ERBB4: variants seen among roughly 807,000 people sequenced by gnomAD.
ERBB4 encodes erb-b2 receptor tyrosine kinase 4, also known as receptor tyrosine-protein kinase erbB-4.
A neutral mutation model predicts 158.0 loss-of-function variants in ERBB4; 42 were observed. That is an observed-to-expected ratio of 0.27 (90% confidence interval 0.21 to 0.34). ERBB4 has a LOEUF of 0.34. Among genes scored for constraint, ERBB4 ranks in the 10% least tolerant of loss-of-function variants. ERBB4 has a pLI of 1.00. For synonymous variants in ERBB4, 583 were observed against 558.7 expected (o/e 1.04, Z -0.61); for missense variants, 1,333 against 1,624.1 (o/e 0.82, Z 3.08).
intron 3 of ERBB4, among the ~76,000 whole-genome samples, chr2:211,809,034 T>C (rs181756521): frequency 4.6e-5 from 7 of 152,264 alleles, no homozygotes; most frequent in Admixed American, 3.3e-4. Flanking sequence ...TGGGCTTAGA[T>C]GACAGGGTTT....
At chr2:211,977,878 C>T (rs1296924724) in intron 2 of ERBB4, among the ~76,000 whole-genome samples, 1 of 136,112 alleles carries the variant, frequency 7.3e-6, no homozygotes, top group South Asian at 2.4e-4. Context: ...AAAAAAGCAA[C>T]TTGAAAAGAG....
Position 211,386,910 on chromosome 2 carries a change from G to A in ERBB4, c.3424C>T (p.Arg1142Ter), listed in dbSNP as rs1211840752. ...PTVFAPERSPRGELDEEGYMT... is the reference protein window; with the variant it reads ...PTVFAPERSP Reference sequence around the variant, plus strand: ...TAACCTTCCTCATCCAGCTCTCCTCGTGGGCTCCGTTCTGGGGCAAACACG... The same window carrying A: ...TAACCTTCCTCATCCAGCTCTCCTCATGGGCTCCGTTCTGGGGCAAACACG... Residue 1142 changes from arginine (R) to a stop codon, truncating the protein, a stop_gained, in exon 27 of 28, where the codon CGA (arginine) becomes TGA (stop). Coordinates refer to ENST00000342788, the MANE Select transcript of ERBB4 (RefSeq NM_005235.3). LOFTEE classifies it high-confidence loss of function. 2 of 1,614,100 alleles carry A rather than the reference G, an allele frequency of 1.2e-6. No homozygotes were observed. Among genetic ancestry groups the A allele is most frequent in the Non-Finnish European group, 1.7e-6 (2 of 1,180,000 alleles).
At chr2:211,408,475 G>T (rs1447678686) in intron 25 of ERBB4, among the ~76,000 whole-genome samples, 1 of 152,022 alleles carries the variant, frequency 6.6e-6, no homozygotes, top group East Asian at 1.9e-4. Context: ...AAGGCTTCTC[G>T]TGCCAGCTGA....
chr2:212,193,266 C>T (rs2082327704), intron 1 of ERBB4, among the ~76,000 whole-genome samples: 1 of 152,076 alleles, frequency 6.6e-6, no homozygotes, highest in African/African-American at 2.4e-5. Flanking sequence ...GGCATTGCCC[C>T]CACTTTTCCA....
At chr2:212,137,327 C>A (rs2080303990) in intron 1 of ERBB4, among the ~76,000 whole-genome samples, 2 of 152,058 alleles carry the variant, frequency 1.3e-5, no homozygotes, top group African/African-American at 4.8e-5. Flanking sequence ...CTCTCTCCTC[C>A]CACTCTCACC....
chr2:211,451,152 C>T (rs1237286786), intron 20 of ERBB4, among the ~76,000 whole-genome samples: 1 of 152,092 alleles, frequency 6.6e-6, no homozygotes, highest in Non-Finnish European at 1.5e-5. Flanking sequence ...TGGAAGAAGG[C>T]CCAGCAAAGA....
chr2:212,330,937 G>A (rs1182985663), intron 1 of ERBB4, among the ~76,000 whole-genome samples: 3 of 150,398 alleles, frequency 2.0e-5, no homozygotes, highest in Admixed American at 1.3e-4. Context: ...ATTTGCCTGG[G>A]GTCAACAAGC....
At chr2:211,640,777 C>T (rs1574909176) in intron 16 of ERBB4, among the ~76,000 whole-genome samples, 1 of 151,994 alleles carries the variant, frequency 6.6e-6, no homozygotes, top group African/African-American at 2.4e-5. Flanking sequence ...TAGTGAAAGA[C>T]AGATTAGGAA....
intron 1 of ERBB4, among the ~76,000 whole-genome samples, chr2:212,181,025 T>G (rs1191689728): frequency 6.6e-6 from 1 of 151,684 alleles, no homozygotes; most frequent in East Asian, 1.9e-4. Context: ...CAACTGTTGA[T>G]GATATCAGAA....
chr2:212,218,993 C>A (rs1574458560), intron 1 of ERBB4, among the ~76,000 whole-genome samples: 3 of 151,022 alleles, frequency 2.0e-5, no homozygotes, highest in African/African-American at 7.3e-5. Context: ...CTACAGGGAC[C>A]ACACAATGAT....
At chr2:211,395,246 T>C (rs2062885999) in intron 25 of ERBB4, among the ~76,000 whole-genome samples, 1 of 152,082 alleles carries the variant, frequency 6.6e-6, no homozygotes, top group African/African-American at 2.4e-5. Context: ...TGAACCACAT[T>C]TGGATGATGA....
chr2:212,434,460 A>T (rs1263909914), intron 1 of ERBB4, among the ~76,000 whole-genome samples: 1 of 151,892 alleles, frequency 6.6e-6, no homozygotes, highest in African/African-American at 2.4e-5. Context: ...TCGAAGAACT[A>T]AGTAACACAT....
At chr2:211,417,317 TATA>T (rs2063415775) in intron 25 of ERBB4, among the ~76,000 whole-genome samples, 1 of 139,810 alleles carries the variant, frequency 7.2e-6, no homozygotes, top group Non-Finnish European at 1.5e-5. Flanking sequence ...TACAAAAAAA[TATA>T]AAAAAAAATT....
intron 20 of ERBB4, among the ~76,000 whole-genome samples, chr2:211,450,536 T>A (rs1224555034): frequency 6.6e-6 from 1 of 152,018 alleles, no homozygotes; most frequent in African/African-American, 2.4e-5. Context: ...TGGAGAGAAG[T>A]AATCGATTTG....
chr2:211,721,620 C>T (rs1021547652), intron 7 of ERBB4, among the ~76,000 whole-genome samples: 6 of 131,892 alleles, frequency 4.5e-5, no homozygotes, highest in African/African-American at 1.6e-4. Context: ...TGCTATTAAA[C>T]ATATATATAT....
intron 4 of ERBB4, chr2:211,779,279 AGAGGTTTAACCG>A (rs2075976461): frequency 6.6e-6 from 1 of 152,226 alleles, no homozygotes; most frequent in African/African-American, 2.4e-5. Context: ...TTTTCACAGT[AGAGGTTTAACCG>A]GCATCTTATT....
intron 9 of ERBB4, among the ~76,000 whole-genome samples, chr2:211,709,118 C>T (rs1288227423): frequency 1.3e-5 from 2 of 151,712 alleles, no homozygotes; most frequent in Non-Finnish European, 1.5e-5. Context: ...AATGCATGGT[C>T]CTTACTGCCT....
At chr2:211,884,151 T>G (rs992400042) in intron 3 of ERBB4, among the ~76,000 whole-genome samples, 3 of 152,192 alleles carry the variant, frequency 2.0e-5, no homozygotes, top group Non-Finnish European at 4.4e-5. Flanking sequence ...AACACCTGCA[T>G]CTAATAGCAA....
At chr2:211,824,419 G>C (rs756478407) in intron 3 of ERBB4, among the ~76,000 whole-genome samples, 11 of 151,934 alleles carry the variant, frequency 7.2e-5, no homozygotes, top group Non-Finnish European at 1.5e-4. Flanking sequence ...ATTCAGGCAA[G>C]CAAAGTTCCA....
Sources: gnomAD v4.1 joint callset for allele counts (sites outside exome capture counted in the v4.1 genomes callset) on GRCh38, gnomAD v4.1.1 for gene constraint, MANE v1.5 for transcripts, NCBI Gene and HGNC (gene_info 2026-07-23, HGNC 2026-07-21) for gene names.